The following MICALL2 variants were observed in gnomAD, a reference collection of about 807,000 sequenced individuals.
MICALL2 encodes MICAL like 2.
Under a neutral mutation model 91.1 loss-of-function variants are expected in MICALL2, and 111 were observed. The ratio of observed to expected loss-of-function variants is 1.22; its 90% confidence interval spans 1.04 to 1.43. MICALL2 has a LOEUF of 1.43. Among genes scored for constraint, MICALL2 ranks in the 40% most tolerant of loss-of-function variants. The pLI, the probability that MICALL2 is intolerant of heterozygous loss-of-function variation, is 0.00. For missense variants in MICALL2, 1,556 were observed against 1,236.0 expected (o/e 1.26, Z -3.88); for synonymous variants, 694 against 525.3 (o/e 1.32, Z -4.39).
chr7:1,436,909 A>C, intron 14 of MICALL2, 53 bp from the exon 15 acceptor site: 1 of 1,338,138 alleles, frequency 7.5e-7, no homozygotes, highest in Non-Finnish European at 1.0e-6. Context: ...CATGCCCCTC[A>C]CAGGACACAA....
chr7:1,446,170 C>G (rs1780567141), intron 5 of MICALL2, among the ~76,000 whole-genome samples: 1 of 89,378 alleles, frequency 1.1e-5, no homozygotes, highest in African/African-American at 4.8e-5. Flanking sequence ...GGAGGCGGAG[C>G]AGTAGGGAGA....
chr7:1,435,082 G>A lies in MICALL2; in HGVS notation c.2638+19C>T. On this transcript the variant is annotated intron_variant, in intron 16 of 16. Coordinates refer to ENST00000297508, the MANE Select transcript of MICALL2 (RefSeq NM_182924.4). ...ACCCAGCCAGCCAGCCCAGCCCTCA[G>A]CATCCCCGGCCCAGTCACCCAGCTT... 6.2e-7 allele frequency: 1 copy of A among 1,603,554 alleles called. No homozygotes were observed.
Position 1,438,840 on chromosome 7 carries a change from C to G in MICALL2, c.2122G>C (p.Gly708Arg), listed in dbSNP as rs764160984. ...EKKPHLQGKP[G>R]RPLSPANVPA... ...CAGCAGCGGTGTCTCTGGGGCTGACCTGGTTTGCCCTGAAGGTGAGGTTTC... is the reference window on the plus strand; with the variant it reads ...CAGCAGCGGTGTCTCTGGGGCTGACGTGGTTTGCCCTGAAGGTGAGGTTTC... Residue 708 changes from glycine to arginine, a missense_variant and splice_region_variant, in exon 10 of 17, where the codon GGG (glycine) becomes CGG (arginine). Transcript: ENST00000297508. 6.2e-7 allele frequency: 1 copy of G among 1,600,488 alleles called. No individual in the cohort carries two copies. Among genetic ancestry groups the G allele is most frequent in the African/African-American group, 1.3e-5 (1 of 74,732 alleles).
At chr7:1,444,397 G>A (rs1029869648) in intron 6 of MICALL2, among the ~76,000 whole-genome samples, 5 of 152,230 alleles carry the variant, frequency 3.3e-5, no homozygotes, top group East Asian at 1.9e-4. Context: ...CAGCGCCACC[G>A]CACCCATGAC....
Position 1,438,837 on chromosome 7 carries a change from G to A in MICALL2, c.2122+3C>T. 1.2e-6 allele frequency: 2 copies of A among 1,600,142 alleles called. No individual in the cohort carries two copies. Among genetic ancestry groups the A allele is most frequent in the Non-Finnish European group, 1.7e-6 (2 of 1,171,462 alleles). On this transcript the variant is annotated splice_donor_region_variant and intron_variant, in intron 10 of 16. Transcript: ENST00000297508. Reference sequence around the variant, plus strand: ...AAACAGCAGCGGTGTCTCTGGGGCTGACCTGGTTTGCCCTGAAGGTGAGGT... The same window carrying A: ...AAACAGCAGCGGTGTCTCTGGGGCTAACCTGGTTTGCCCTGAAGGTGAGGT...
chr7:1,445,478 C>T (rs1780531676), intron 5 of MICALL2, 50 bp from the exon 6 acceptor site: 2 of 1,432,520 alleles, frequency 1.4e-6, no homozygotes, highest in Non-Finnish European at 1.8e-6. Context: ...CCCACCCCGC[C>T]ACGCATTCAC....
intron 9 of MICALL2, chr7:1,439,511 TCACATACACGAACACAGACACATGGACA>T: frequency 5.2e-6 from 1 of 193,404 alleles, no homozygotes; most frequent in Non-Finnish European, 1.0e-5. Flanking sequence ...CACACATGCA[TCACATACACGAACACAGACACATGGACA>T]CGCATCACAC....
chr7:1,436,385 A>AAAAAACAAAAAC (rs60627497), intron 15 of MICALL2, among the ~76,000 whole-genome samples: 33,528 of 148,918 alleles, frequency 0.23, 5,669 homozygotes, highest in African/African-American at 0.47. Flanking sequence ...TTCGTCTCAA[A>AAAAAACAAAAAC]AAAAACAAAA....
chr7:1,437,400 AC>A, intron 14 of MICALL2, 134 bp downstream of exon 14: 2 of 670,708 alleles, frequency 3.0e-6, no homozygotes, highest in Non-Finnish European at 4.7e-6. Context: ...TGAAACTCAA[AC>A]GTGGGCTCGC....
intron 1 of MICALL2, among the ~76,000 whole-genome samples, chr7:1,453,309 G>A (rs1261453092): frequency 6.6e-6 from 1 of 152,138 alleles, no homozygotes; most frequent in Admixed American, 6.5e-5. Flanking sequence ...CATGGCTGGT[G>A]TCCTCATAAA....
At chr7:1,439,482 C>T (rs1481901442) in intron 9 of MICALL2, 1 of 75,276 alleles carries the variant, frequency 1.3e-5, no homozygotes, top group Non-Finnish European at 2.2e-5. Context: ...TACACATGGA[C>T]ACATGCATCA....
intron 16 of MICALL2, 35 bp downstream of exon 16, chr7:1,435,066 G>A (rs1449478450): frequency 3.4e-6 from 5 of 1,489,240 alleles, no homozygotes; most frequent in Non-Finnish European, 4.5e-6. Context: ...CACCCAGCCA[G>A]CCAGCCCAGC....
intron 6 of MICALL2, among the ~76,000 whole-genome samples, chr7:1,442,941 G>T (rs920053290): frequency 2.0e-5 from 3 of 151,896 alleles, no homozygotes; most frequent in Admixed American, 2.0e-4. Context: ...CTCTGGCCCC[G>T]CCAGACACAC....
At chr7:1,442,062 GA>G in intron 7 of MICALL2, 129 bp downstream of exon 7, 1 of 1,064,952 alleles carries the variant, frequency 9.4e-7, no homozygotes, top group South Asian at 1.5e-5. Context: ...TGTCACGGAG[GA>G]CAGAGATGAG....
intron 12 of MICALL2, 41 bp downstream of exon 12, chr7:1,438,056 G>C (rs1229735754): frequency 2.6e-6 from 4 of 1,564,224 alleles, no homozygotes; most frequent in East Asian, 2.4e-5. Context: ...GAGGGTGTCT[G>C]TGGGAGTCGG....
In MICALL2 at chr7:1,434,685, T is replaced by C. The variant is rs1379893963; in HGVS notation, c.2639-13A>G. On this transcript the variant is annotated splice_polypyrimidine_tract_variant and intron_variant, in intron 16 of 16. Coordinates refer to ENST00000297508, the MANE Select transcript of MICALL2 (RefSeq NM_182924.4). The stretch of plus-strand genomic sequence containing the variant: ...TTCCTCTGGAGGCCTAGGGGACAGG[T>C]GGACAGTGAGGCCGTGCTCAACGCC... 3.2e-6 allele frequency: 5 copies of C among 1,544,012 alleles called. No individual in the cohort carries two copies. Among genetic ancestry groups the C allele is most frequent in the Non-Finnish European group, 3.5e-6 (4 of 1,149,462 alleles).
rs1780323913 is a variant in MICALL2 at position 1,442,271 on chromosome 7, C to T, written c.1632G>A (p.Gly544=). Residue 544 remains glycine (G), a synonymous_variant, in exon 7 of 17, where the codon GGG becomes GGA. Coordinates refer to ENST00000297508, the MANE Select transcript of MICALL2 (RefSeq NM_182924.4). Reference sequence around the variant, plus strand: ...TGGAGCCAGCACCCACCCTGCCGACCCCTGAGGATTCCGCCAAGTTCCTCC... The same window carrying T: ...TGGAGCCAGCACCCACCCTGCCGACTCCTGAGGATTCCGCCAAGTTCCTCC... ...AGRRNLAESS[G]VGRVGAGSRP... is the part of the protein sequence containing the mutation. The T allele has an allele frequency of 2.5e-6, 4 of 1,612,852 alleles. No individual in the cohort carries two copies. The highest frequency in any genetic ancestry group is 3.3e-4 in the Middle Eastern group (2 of 6,080).
At chr7:1,442,008 A>G (rs1584209682) in intron 7 of MICALL2, 184 bp downstream of exon 7, 1 of 709,422 alleles carries the variant, frequency 1.4e-6, no homozygotes, top group Admixed American at 2.7e-5. Context: ...ATTTGCAGCC[A>G]CCACACAGAG....
intron 1 of MICALL2, chr7:1,450,574 T>C (rs1437187226): frequency 1.5e-5 from 6 of 398,816 alleles, no homozygotes; most frequent in Non-Finnish European, 2.3e-5. Flanking sequence ...CAGTCAGAGG[T>C]GGCAGGAAGC....
Sources: allele counts gnomAD v4.1 joint callset (sites outside exome capture counted in the v4.1 genomes callset), GRCh38; gene constraint gnomAD v4.1.1; transcripts MANE v1.5; gene names NCBI Gene and HGNC (gene_info 2026-07-23, HGNC 2026-07-21).